Variants in SYNC observed in about 807,000 individuals in gnomAD.
SYNC encodes syncoilin.
Under a neutral mutation model 49.5 loss-of-function variants are expected in SYNC, and 38 were observed. The observed-to-expected ratio is 0.77, with a 90% confidence interval of 0.59 to 1.01. SYNC has a LOEUF of 1.01. SYNC is among the 50% of genes least tolerant of loss of function. SYNC has a pLI of 0.00. For missense variants in SYNC, 579 were observed against 580.6 expected (o/e 1.00, Z 0.03); for synonymous variants, 201 against 230.8 (o/e 0.87, Z 1.17).
chr1:32,701,462 G>A lies in SYNC; in HGVS notation c.53+1146C>T, dbSNP rs1650666303. Reference sequence around the variant, plus strand: ...ATATCCTAGGGTGGGGCTCTGTAAGGGCAGACAGGCAGAAACCAGATGAAC... The same window carrying A: ...ATATCCTAGGGTGGGGCTCTGTAAGAGCAGACAGGCAGAAACCAGATGAAC... On this transcript the variant is annotated intron_variant, in intron 1 of 4. Transcript: ENST00000409190. Among the ~76,000 whole-genome samples the A allele has an allele frequency of 2.0e-5, 3 of 152,078 alleles. No homozygotes were observed. In the South Asian group the frequency reaches 6.2e-4, roughly 31 times the overall value.
intron 1 of SYNC, among the ~76,000 whole-genome samples, chr1:32,699,153 C>CTTT (rs61577689): frequency 0.42 from 43,554 of 103,970 alleles, 11,788 homozygotes; most frequent in East Asian, 0.57. Context: ...CTTTTCTTTT[C>CTTT]TTTTTTTTTT....
At position 32,695,847 on chromosome 1, in the gene SYNC, T is replaced by C; in HGVS notation, c.251A>G (p.Tyr84Cys). Reference protein sequence around the residue: ...QETEKAEEALYIEEAMQPDEA... With the variant: ...QETEKAEEALCIEEAMQPDEA... ...ATCTGGCTGCATGGCCTCCTCAATA[T>C]ACAGGGCCTCCTCTGCCTTCTCAGT... Residue 84 changes from tyrosine to cysteine, a missense_variant, in exon 2 of 5, where the codon TAT becomes TGT. Transcript: ENST00000409190. The C allele has an allele frequency of 6.4e-7, 1 of 1,552,004 alleles. No individual in the cohort carries two copies. The highest frequency in any genetic ancestry group is 8.7e-7 in the Non-Finnish European group (1 of 1,147,072).
intron 2 of SYNC, among the ~76,000 whole-genome samples, chr1:32,689,999 C>T (rs1650084606): frequency 6.6e-6 from 1 of 151,322 alleles, no homozygotes; most frequent in African/African-American, 2.4e-5. Context: ...GTTTAGGAAG[C>T]CATTTCAGAA....
intron 2 of SYNC, among the ~76,000 whole-genome samples, chr1:32,691,534 CAGAG>C (rs1019448776): frequency 7.4e-6 from 1 of 135,174 alleles, no homozygotes; most frequent in African/African-American, 2.7e-5. Context: ...GCATGGGTGA[CAGAG>C]GGAGACTCCA....
intron 2 of SYNC, among the ~76,000 whole-genome samples, chr1:32,691,269 C>A (rs1650150702): frequency 6.6e-6 from 1 of 150,618 alleles, no homozygotes; most frequent in South Asian, 2.1e-4. Context: ...GCACTGTGCA[C>A]CTGTAGTCCC....
Position 32,684,072 on chromosome 1 carries a change from T to C in SYNC, c.1376A>G (p.Lys459Arg), listed in dbSNP as rs1299538205. 1 of 1,613,976 alleles carries C rather than the reference T, an allele frequency of 6.2e-7. No homozygotes were observed. The highest frequency in any genetic ancestry group is 2.2e-5 in the East Asian group (1 of 44,878). Residue 459 changes from lysine to arginine, a missense_variant, in exon 4 of 5, where the codon AAG (lysine) becomes AGG (arginine). Lys to Arg is a conservative substitution (Grantham distance 26). Transcript: ENST00000409190. ...LSTYKAMLLP[K>R]SLEQADAPTS... ...GGGAGCATCAGCCTGTTCCAGGCTC[T>C]TGGGTAGTAGCATAGCCCTTTAAAA...
Position 32,695,391 on chromosome 1 carries a change from C to T in SYNC, c.707G>A (p.Arg236Lys). 1 of 1,551,720 alleles carries T rather than the reference C, an allele frequency of 6.4e-7. No individual in the cohort carries two copies. The highest frequency in any genetic ancestry group is 8.7e-7 in the Non-Finnish European group (1 of 1,147,058). The change falls in exon 2 of 5, where the codon AGG (arginine) becomes AAG (lysine). Residue 236 changes from arginine (R) to lysine (K), a missense_variant. Transcript: ENST00000409190. Reference protein sequence around the residue: ...AQAELERDGLREEIRLVKQKL... With the variant: ...AQAELERDGLKEEIRLVKQKL... ...CTGCTTGACCAGCCGGATCTCCTCC[C>T]TTAGGCCATCTCTCTCCAGCTCTGC...
intron 1 of SYNC, among the ~76,000 whole-genome samples, chr1:32,699,722 A>T (rs1322016681): frequency 7.6e-6 from 1 of 132,252 alleles, no homozygotes; most frequent in African/African-American, 2.8e-5. Flanking sequence ...TGTGGCCCAA[A>T]CATACCTTTT....
rs529523950 is a variant in SYNC, at chr1:32,695,185, G to T, written c.913C>A (p.Gln305Lys). The T allele has an allele frequency of 6.4e-6, 10 of 1,568,484 alleles. No homozygotes were observed. In the African/African-American group the frequency reaches 9.5e-5, roughly 15 times the overall value. Residue 305 changes from glutamine (Q) to lysine (K), a missense_variant, in exon 2 of 5, where the codon CAA (glutamine) becomes AAA (lysine). Physicochemically the swap from Gln to Lys is moderately conservative, Grantham distance 53. Transcript: ENST00000409190. Reference sequence around the variant, plus strand: ...CTCTGGCTTGGAGGGGCTTCTAGTTGTTGCCGCAGCTGCTCCTTCTGCTTC... The same window carrying T: ...CTCTGGCTTGGAGGGGCTTCTAGTTTTTGCCGCAGCTGCTCCTTCTGCTTC... ...YQKQKEQLRQ[Q>K]LEAPPSQRDG...
intron 2 of SYNC, among the ~76,000 whole-genome samples, chr1:32,689,117 T>G (rs898521996): frequency 6.6e-6 from 1 of 151,288 alleles, no homozygotes; most frequent in Non-Finnish European, 1.5e-5. Flanking sequence ...TTTTGTATTT[T>G]TTAGTAGAGA....
rs1557871715 is a variant in SYNC, at chr1:32,687,863, T to TA, written c.1234-3482_1234-3481insT. 2.5e-3 allele frequency among the ~76,000 whole-genome samples: 374 copies of TA among 148,148 alleles called. 3 individuals are homozygous for TA. Among genetic ancestry groups the TA allele is most frequent in the African/African-American group, 8.5e-3 (342 of 40,236 alleles). On this transcript the variant is annotated intron_variant, in intron 2 of 4. Coordinates refer to ENST00000409190, the MANE Select transcript of SYNC (RefSeq NM_030786.3). ...TTATTATTATTATTATTATTATTAT[T>TA]TTTTGAGATGGAGTCTTGCTCTGTC...
At chr1:32,686,991 TATGTAAAA>T (rs1649872539) in intron 2 of SYNC, among the ~76,000 whole-genome samples, 1 of 152,196 alleles carries the variant, frequency 6.6e-6, no homozygotes, top group Non-Finnish European at 1.5e-5. Flanking sequence ...TATTGCATTC[TATGTAAAA>T]TTATCTGGGG....
In SYNC at chr1:32,680,549, T is replaced by C. The variant is rs1367461104; in HGVS notation, c.*1301A>G. On this transcript the variant is annotated 3_prime_UTR_variant, in exon 5 of 5. Coordinates refer to ENST00000409190, the MANE Select transcript of SYNC (RefSeq NM_030786.3). ...AGGAGTTAGTCCTTGACCACTAGTTTGATGCCATCTCCATTTTGGGTGACC... is the reference window on the plus strand; with the variant it reads ...AGGAGTTAGTCCTTGACCACTAGTTCGATGCCATCTCCATTTTGGGTGACC... 6.5e-7 allele frequency: 1 copy of C among 1,545,644 alleles called. No homozygotes were observed.
rs867760069 is a variant in SYNC at position 32,694,951 on chromosome 1, G to A, written c.1147C>T (p.Arg383Trp). ...EALRPLQAEARQLRLQNRNLE... is the reference protein window; with the variant it reads ...EALRPLQAEAWQLRLQNRNLE... ...TTCCTGTTTTGCAGGCGGAGCTGCC[G>A]GGCCTCTGCTTGCAGGGGTCTCAGA... The change falls in exon 2 of 5, where the codon CGG (arginine) becomes TGG (tryptophan). Residue 383 changes from arginine (R) to tryptophan (W), a missense_variant. Coordinates refer to ENST00000409190, the MANE Select transcript of SYNC (RefSeq NM_030786.3). 2.3e-5 allele frequency: 37 copies of A among 1,613,792 alleles called. No homozygotes were observed. The highest frequency in any genetic ancestry group is 5.0e-5 in the Admixed American group (3 of 59,928).
At position 32,690,434 on chromosome 1, in the gene SYNC, C is replaced by A. The variant is rs188183763; in HGVS notation, c.1233+4431G>T. ...GGCCGAGACGGGTGGATCACGAGGT[C>A]AGGAGTTGGAGACCAACCTGGCCAA... is the stretch of plus-strand genomic sequence containing the variant. On this transcript the variant is annotated intron_variant, in intron 2 of 4. Coordinates refer to ENST00000409190, the MANE Select transcript of SYNC (RefSeq NM_030786.3). Among the ~76,000 whole-genome samples, 10 of 151,118 alleles carry A rather than the reference C, an allele frequency of 6.6e-5. No homozygotes were observed. The East Asian group carries it at 2.0e-3, about 30-fold the overall frequency.
chr1:32,681,936 T>G, intron 4 of SYNC, 76 bp from the exon 5 acceptor site: 4 of 1,332,682 alleles, frequency 3.0e-6, no homozygotes, highest in Non-Finnish European at 4.3e-6. Context: ...TGAGAAGAGA[T>G]TGTTACAGTG....
intron 1 of SYNC, among the ~76,000 whole-genome samples, chr1:32,700,462 G>A (rs1278047024): frequency 1.4e-4 from 21 of 152,168 alleles, no homozygotes; most frequent in Non-Finnish European, 2.4e-4. Flanking sequence ...TTGGGAGGCC[G>A]AGGCGGGTGG....
At chr1:32,685,927 A>G (rs567425944) in intron 2 of SYNC, 134 of 152,322 alleles carry the variant, frequency 8.8e-4, no homozygotes, top group African/African-American at 3.0e-3. Context: ...CACTTTCTTT[A>G]GTGGCATTCA....
intron 2 of SYNC, among the ~76,000 whole-genome samples, chr1:32,692,873 C>T (rs1168881826): frequency 6.6e-6 from 1 of 151,666 alleles, no homozygotes; most frequent in Non-Finnish European, 1.5e-5. Context: ...GGTGCAGTGG[C>T]GGGCACCTGT....
Sources: gnomAD v4.1 joint callset for allele counts (sites outside exome capture counted in the v4.1 genomes callset) on GRCh38, gnomAD v4.1.1 for gene constraint, MANE v1.5 for transcripts, NCBI Gene and HGNC (gene_info 2026-07-23, HGNC 2026-07-21) for gene names.